The following STIL variants were observed in gnomAD, a reference collection of about 807,000 sequenced individuals.
STIL encodes SCL-interrupting locus protein.
Under a neutral mutation model 110.1 loss-of-function variants are expected in STIL, and 55 were observed. That is an observed-to-expected ratio of 0.50 (90% CI 0.40 to 0.63). The LOEUF is 0.63. STIL is among the 20% of genes least tolerant of loss of function. The pLI, the probability that STIL is intolerant of heterozygous loss-of-function variation, is 0.00. For synonymous variants in STIL, 481 were observed against 530.0 expected, an observed-to-expected ratio of 0.91 and a Z score of 1.27; for missense variants, 1,358 against 1,530.0, an observed-to-expected ratio of 0.89 and a Z score of 1.87.
At chr1:47,256,426 G>C (rs1644328134) in intron 16 of STIL, among the ~76,000 whole-genome samples, 3 of 151,150 alleles carry the variant, frequency 2.0e-5, no homozygotes, top group Admixed American at 1.3e-4. Context: ...TTTGAGACTA[G>C]CCTGGCCAAT....
At chr1:47,275,185 A>G (rs1644953562) in intron 12 of STIL, among the ~76,000 whole-genome samples, 1 of 151,934 alleles carries the variant, frequency 6.6e-6, no homozygotes. Flanking sequence ...TCTCTAAATC[A>G]TTCGTAAAAA....
chr1:47,268,420 T>G (rs1293499085), intron 14 of STIL, among the ~76,000 whole-genome samples: 2 of 151,574 alleles, frequency 1.3e-5, no homozygotes, highest in Non-Finnish European at 2.9e-5. Flanking sequence ...CACTCCAGCC[T>G]GGGTGAAAAA....
chr1:47,267,274 G>A (rs559841271), intron 14 of STIL, among the ~76,000 whole-genome samples: 1 of 152,294 alleles, frequency 6.6e-6, no homozygotes, highest in African/African-American at 2.4e-5. Flanking sequence ...TATGTTATTT[G>A]CTGCTCATGT....
At chr1:47,285,314 G>A (rs967238360) in intron 10 of STIL, among the ~76,000 whole-genome samples, 4 of 152,142 alleles carry the variant, frequency 2.6e-5, no homozygotes, top group East Asian at 1.9e-4. Context: ...TTAAAGGGAT[G>A]AGCCACTGTG....
rs753446836 is a variant in STIL at position 47,262,964 on chromosome 1, T to G, written c.2768A>C (p.His923Pro). 3 of 1,614,196 alleles carry G rather than the reference T, an allele frequency of 1.9e-6. No individual in the cohort carries two copies. The African/African-American group carries it at 4.0e-5, about 22-fold the overall frequency. ...TTGATGAAGCAAGGGTTGCATTACA[T>G]GCTCAATTTTTGGTTCCTCTGATGT... ...SETSEEPKIE[H>P]VMQPLLHQPS... Residue 923 changes from histidine to proline, a missense_variant, in exon 15 of 17, where the codon CAT (histidine) becomes CCT (proline). His to Pro is a moderately conservative substitution (Grantham distance 77). Transcript: ENST00000371877.
At chr1:47,256,687 G>A (rs908656279) in intron 16 of STIL, among the ~76,000 whole-genome samples, 1 of 150,116 alleles carries the variant, frequency 6.7e-6, no homozygotes, top group Non-Finnish European at 1.5e-5. Flanking sequence ...TACTGAGAAC[G>A]AGGTATTTTA....
At chr1:47,311,231 C>T (rs1178576885) in intron 1 of STIL, among the ~76,000 whole-genome samples, 1 of 151,832 alleles carries the variant, frequency 6.6e-6, no homozygotes, top group Non-Finnish European at 1.5e-5. Context: ...TATAGCAAAC[C>T]TTTAGCTCCA....
chr1:47,292,227 T>C (rs1645514836), intron 8 of STIL, among the ~76,000 whole-genome samples: 1 of 152,014 alleles, frequency 6.6e-6, no homozygotes, highest in South Asian at 2.1e-4. Flanking sequence ...ATAGATATAA[T>C]AGGTGCTCAA....
chr1:47,273,215 A>G (rs1449369517), intron 12 of STIL, among the ~76,000 whole-genome samples: 2 of 152,208 alleles, frequency 1.3e-5, no homozygotes, highest in South Asian at 2.1e-4. Flanking sequence ...ATTGAGATAT[A>G]ATTCATGTAC....
intron 6 of STIL, among the ~76,000 whole-genome samples, chr1:47,298,383 G>A (rs148510617): frequency 2.7e-4 from 41 of 152,292 alleles, no homozygotes; most frequent in African/African-American, 9.4e-4. Flanking sequence ...TAGAAAGCAT[G>A]CATTTTGGCT....
chr1:47,252,211 T>C (rs1644204333), intron 16 of STIL, among the ~76,000 whole-genome samples: 1 of 151,928 alleles, frequency 6.6e-6, no homozygotes, highest in Non-Finnish European at 1.5e-5. Flanking sequence ...CAAGATCTTG[T>C]CTCTACAAAA....
At chr1:47,269,471 A>T (rs112838622) in intron 14 of STIL, among the ~76,000 whole-genome samples, 164 bp downstream of exon 14, 67 of 152,330 alleles carry the variant, frequency 4.4e-4, no homozygotes, top group Admixed American at 1.6e-3. Flanking sequence ...CCACAGAAAA[A>T]GTTAAGTATG....
At chr1:47,268,299 A>G (rs537483990) in intron 14 of STIL, among the ~76,000 whole-genome samples, 1 of 152,106 alleles carries the variant, frequency 6.6e-6, no homozygotes, top group South Asian at 2.1e-4. Flanking sequence ...TACAAAAATT[A>G]GCTGGGCGTG....
At chr1:47,264,227 C>G (rs987948424) in intron 14 of STIL, among the ~76,000 whole-genome samples, 1 of 152,192 alleles carries the variant, frequency 6.6e-6, no homozygotes, top group Non-Finnish European at 1.5e-5. Flanking sequence ...AACTATGAAC[C>G]AGGAAATGGG....
At chr1:47,282,580 T>G in intron 10 of STIL, 121 bp from the exon 11 acceptor site, 1 of 671,186 alleles carries the variant, frequency 1.5e-6, no homozygotes, top group South Asian at 1.6e-5. Flanking sequence ...ATTTAGTATC[T>G]GACAACCACA....
At chr1:47,277,624 T>C (rs1645030644) in intron 12 of STIL, among the ~76,000 whole-genome samples, 1 of 152,152 alleles carries the variant, frequency 6.6e-6, no homozygotes. Flanking sequence ...TCAGTATATA[T>C]CTACAAAGCA....
At chr1:47,287,485 C>A in intron 10 of STIL, 66 bp downstream of exon 10, 1 of 1,002,598 alleles carries the variant, frequency 1.0e-6, no homozygotes, top group Non-Finnish European at 1.5e-6. Flanking sequence ...AGTTATTTTA[C>A]TCACCAAAAA....
At chr1:47,252,767 A>C (rs957070645) in intron 16 of STIL, among the ~76,000 whole-genome samples, 2 of 143,458 alleles carry the variant, frequency 1.4e-5, no homozygotes, top group Non-Finnish European at 3.0e-5. Context: ...CAGTCTCTGG[A>C]TATGGGCTTA....
intron 16 of STIL, among the ~76,000 whole-genome samples, chr1:47,255,023 T>G (rs1644291105): frequency 6.6e-6 from 1 of 152,080 alleles, no homozygotes; most frequent in African/African-American, 2.4e-5. Flanking sequence ...GGCACAGTGG[T>G]ATGCACACCT....
Sources: gnomAD v4.1 joint callset for allele counts (sites outside exome capture counted in the v4.1 genomes callset) on GRCh38, gnomAD v4.1.1 for gene constraint, MANE v1.5 for transcripts, NCBI Gene and HGNC (gene_info 2026-07-23, HGNC 2026-07-21) for gene names.